SUPT3H: variants seen among roughly 807,000 people sequenced by gnomAD.
The protein encoded by SUPT3H is transcription initiation protein SPT3 homolog.
SUPT3H carries 44 observed loss-of-function variants against 44.3 expected under a neutral mutation model. The observed-to-expected ratio is 0.99, with a 90% CI of 0.78 to 1.28. The LOEUF (loss-of-function observed/expected upper bound fraction) is 1.28. Among genes scored for constraint, SUPT3H ranks in the 50% most tolerant of loss-of-function variants. The pLI is 0.00. For synonymous variants in SUPT3H, 124 were observed against 125.6 expected, an observed-to-expected ratio of 0.99 and a Z score of 0.09; for missense variants, 380 against 387.1, an observed-to-expected ratio of 0.98 and a Z score of 0.15.
At chr6:45,231,333 T>A (rs552702759) in intron 2 of SUPT3H, among the ~76,000 whole-genome samples, 1 of 152,322 alleles carries the variant, frequency 6.6e-6, no homozygotes, top group African/African-American at 2.4e-5. Flanking sequence ...ACTTTATTTA[T>A]CCTTCCTTCA....
intron 9 of SUPT3H, among the ~76,000 whole-genome samples, chr6:44,939,012 A>G (rs895337535): frequency 6.6e-6 from 1 of 152,170 alleles, no homozygotes; most frequent in Non-Finnish European, 1.5e-5. Context: ...ATAATCAGCA[A>G]ACGGGAATAA....
rs550571520 is a variant in SUPT3H, at chr6:44,855,524, T to A, written c.913-25667A>T. Among the ~76,000 whole-genome samples the A allele has an allele frequency of 3.3e-5, 5 of 152,246 alleles. No homozygotes were observed. In the Middle Eastern group the frequency reaches 0.01, roughly 311 times the overall value. ...ACTTCTGTGCAGCCATAGGTACTGG[T>A]CTGAAATGTGCCGTATTTGATTCTT... is the stretch of plus-strand genomic sequence containing the variant. On this transcript the variant is annotated intron_variant, in intron 10 of 10. Coordinates refer to ENST00000371459, the MANE Select transcript of SUPT3H (RefSeq NM_003599.4).
chr6:44,849,278 G>A (rs1772450653), intron 10 of SUPT3H, among the ~76,000 whole-genome samples: 1 of 136,842 alleles, frequency 7.3e-6, no homozygotes, highest in Non-Finnish European at 1.5e-5. Flanking sequence ...CCAGGCTGGA[G>A]TGCAGTGGCG....
chr6:45,350,982 G>C (rs185795423), intron 2 of SUPT3H, among the ~76,000 whole-genome samples: 18 of 152,232 alleles, frequency 1.2e-4, no homozygotes, highest in Non-Finnish European at 2.1e-4. Context: ...ACCCTATAGT[G>C]AACTGCACAC....
At chr6:45,203,797 G>A (rs1324495596) in intron 2 of SUPT3H, among the ~76,000 whole-genome samples, 1 of 151,974 alleles carries the variant, frequency 6.6e-6, no homozygotes, top group Non-Finnish European at 1.5e-5. Context: ...CTCATCTCCA[G>A]GCAAGATCAA....
intron 2 of SUPT3H, among the ~76,000 whole-genome samples, chr6:45,281,494 C>G (rs1245078060): frequency 6.6e-6 from 1 of 152,198 alleles, no homozygotes; most frequent in Non-Finnish European, 1.5e-5. Flanking sequence ...TCGCTCATTG[C>G]TAGCACAGCA....
downstream of SUPT3H, among the ~76,000 whole-genome samples, chr6:44,822,365 A>G (rs1767387604): frequency 1.3e-5 from 2 of 152,224 alleles, no homozygotes; most frequent in African/African-American, 2.4e-5. Flanking sequence ...TTCAGTGGAC[A>G]TGTTATTCCA....
chr6:45,120,019 C>G (rs1583647354), intron 2 of SUPT3H, among the ~76,000 whole-genome samples: 1 of 152,090 alleles, frequency 6.6e-6, no homozygotes, highest in East Asian at 1.9e-4. Context: ...TGAACTGATT[C>G]AAATGTCAAA....
chr6:45,175,606 T>C (rs1811627512), intron 2 of SUPT3H, among the ~76,000 whole-genome samples: 1 of 152,190 alleles, frequency 6.6e-6, no homozygotes, highest in Non-Finnish European at 1.5e-5. Context: ...TTCTTATCTC[T>C]AGCAGCAGTA....
At chr6:45,148,174 G>A (rs902278077) in intron 2 of SUPT3H, among the ~76,000 whole-genome samples, 1 of 152,126 alleles carries the variant, frequency 6.6e-6, no homozygotes, top group African/African-American at 2.4e-5. Flanking sequence ...CAGATGGGAT[G>A]ATTTCTAAAT....
chr6:45,227,938 T>C (rs1767238277), intron 2 of SUPT3H, among the ~76,000 whole-genome samples: 2 of 152,274 alleles, frequency 1.3e-5, no homozygotes, highest in Middle Eastern at 3.4e-3. Flanking sequence ...TATATTTTAA[T>C]TTTTATCAAG....
In SUPT3H at chr6:44,819,976, A is replaced by C. The variant is rs188055259; in HGVS notation, c.*52+9788T>G. ...AGTGGCTCATGCCTGTAATCCCAAC[A>C]CTTTGGGAAGACAAGGTGGGCGGAT... On this transcript the variant is annotated intron_variant and NMD_transcript_variant, in intron 11 of 11. Transcript: ENST00000475057. Among the ~76,000 whole-genome samples the C allele has an allele frequency of 2.3e-3, 343 of 152,236 alleles. 1 individual carries two copies. Among genetic ancestry groups the C allele is most frequent in the Non-Finnish European group, 4.0e-3 (273 of 68,008 alleles).
At chr6:45,373,643 C>T (rs1194525856) in intron 1 of SUPT3H, among the ~76,000 whole-genome samples, 5 of 152,056 alleles carry the variant, frequency 3.3e-5, no homozygotes, top group Admixed American at 6.5e-5. Flanking sequence ...CTCCGCCTCC[C>T]GGGTTCAAGC....
At chr6:45,223,706 G>A (rs1233168286) in intron 2 of SUPT3H, among the ~76,000 whole-genome samples, 1 of 151,586 alleles carries the variant, frequency 6.6e-6, no homozygotes. Flanking sequence ...AATGAGTAAA[G>A]TCTAAAATTA....
chr6:45,096,259 C>A (rs1052537115), intron 3 of SUPT3H, among the ~76,000 whole-genome samples: 2 of 152,072 alleles, frequency 1.3e-5, no homozygotes, highest in Non-Finnish European at 2.9e-5. Flanking sequence ...TCATTTGGTT[C>A]AAACTTATGT....
At chr6:45,376,764 G>A (rs1460653483) in intron 1 of SUPT3H, among the ~76,000 whole-genome samples, 1 of 152,074 alleles carries the variant, frequency 6.6e-6, no homozygotes, top group Non-Finnish European at 1.5e-5. Context: ...TGTCCTTCAA[G>A]TAAATCTTTG....
chr6:45,029,435 G>A (rs996285277), intron 3 of SUPT3H, among the ~76,000 whole-genome samples: 1 of 151,084 alleles, frequency 6.6e-6, no homozygotes, highest in Admixed American at 6.6e-5. Context: ...TACAATCAAT[G>A]TGACCTCTAA....
At chr6:45,372,112 T>C (rs1239070938) in intron 1 of SUPT3H, 1 of 716,424 alleles carries the variant, frequency 1.4e-6, no homozygotes, top group Admixed American at 6.3e-5. Flanking sequence ...AATATCTGAC[T>C]ATGCCAAACC....
At chr6:45,369,789 CAAAT>C (rs1795752219) in intron 1 of SUPT3H, among the ~76,000 whole-genome samples, 1 of 152,058 alleles carries the variant, frequency 6.6e-6, no homozygotes, top group Non-Finnish European at 1.5e-5. Context: ...AGCACATAAA[CAAAT>C]ATAATTTGAG....
Sources: allele counts gnomAD v4.1 joint callset (sites outside exome capture counted in the v4.1 genomes callset), GRCh38; gene constraint gnomAD v4.1.1; transcripts MANE v1.5; gene names NCBI Gene and HGNC (gene_info 2026-07-23, HGNC 2026-07-21).